SPARCL1: variants seen among roughly 807,000 people sequenced by gnomAD.
The protein encoded by SPARCL1 is SPARC-like protein 1.
A neutral mutation model predicts 67.1 loss-of-function variants in SPARCL1; 52 were observed. The observed-to-expected ratio is 0.78, with a 90% CI of 0.62 to 0.98. The LOEUF (loss-of-function observed/expected upper bound fraction) is 0.98, where lower values mean the gene tolerates loss of function less well. SPARCL1 is among the 50% of genes least tolerant of loss of function. The pLI is 0.00. For missense variants in SPARCL1, 717 were observed against 782.4 expected (o/e 0.92, Z 1.00); for synonymous variants, 226 against 267.8 (o/e 0.84, Z 1.52).
chr4:87,505,967 T>C (rs968345333), intron 1 of SPARCL1, among the ~76,000 whole-genome samples: 2 of 152,196 alleles, frequency 1.3e-5, no homozygotes, highest in Non-Finnish European at 2.9e-5. Context: ...ACTGTTAACA[T>C]TTTGGCTTGA....
intron 4 of SPARCL1, among the ~76,000 whole-genome samples, chr4:87,493,274 A>G (rs994852019): frequency 1.3e-5 from 2 of 152,228 alleles, no homozygotes; most frequent in East Asian, 1.9e-4. Flanking sequence ...ATGTCTTTAC[A>G]TGGCTTGAAT....
At chr4:87,480,789 CCT>C (rs899617375) in intron 8 of SPARCL1, among the ~76,000 whole-genome samples, 3 of 148,596 alleles carry the variant, frequency 2.0e-5, no homozygotes, top group African/African-American at 7.5e-5. Context: ...GTATGTTTTG[CCT>C]CTTTCTTTTA....
rs1357502438 is a variant in SPARCL1 at position 87,479,451 on chromosome 4, G to A, written c.1945C>T (p.His649Tyr). ...TTACCTTCTTTAATTCCAAAGCAGT[G>A]GCCCCACTCCTTCAGGGTGATGTGC... is the stretch of plus-strand genomic sequence containing the variant. ...DKHITLKEWG[H>Y]CFGIKEEDID... Residue 649 changes from histidine (H) to tyrosine (Y), a missense_variant, in exon 10 of 11, where the codon CAC becomes TAC. By Grantham distance (83) the His-to-Tyr change is moderately conservative. Transcript: ENST00000282470. The A allele has an allele frequency of 6.2e-7, 1 of 1,613,470 alleles. No homozygotes were observed. The highest frequency in any genetic ancestry group is 1.3e-5 in the African/African-American group (1 of 74,864).
In SPARCL1 at chr4:87,493,919, T is replaced by C. The variant is rs1350975646; in HGVS notation, c.881A>G (p.Gln294Arg). 9 of 1,614,204 alleles carry C rather than the reference T, an allele frequency of 5.6e-6. No individual in the cohort carries two copies. The highest frequency in any genetic ancestry group is 8.5e-7 in the Non-Finnish European group (1 of 1,180,010). The change falls in exon 4 of 11, where the codon CAG (glutamine) becomes CGG (arginine). Residue 294 changes from glutamine (Q) to arginine (R), a missense_variant. Gln to Arg is a conservative substitution (Grantham distance 43, BLOSUM62 1). Coordinates refer to ENST00000282470, the MANE Select transcript of SPARCL1 (RefSeq NM_004684.6). ...VNKHIQETEW[Q>R]SQEGKTGLEA... ...TAGGCCAGTTTTACCCTCTTGACTC[T>C]GCCATTCAGTTTCTTGAATGTGCTT...
intron 1 of SPARCL1, among the ~76,000 whole-genome samples, chr4:87,501,037 C>T (rs1259612350): frequency 4.6e-5 from 7 of 152,118 alleles, no homozygotes; most frequent in Non-Finnish European, 8.8e-5. Context: ...TTTTTGTGCA[C>T]CCATCACTTA....
chr4:87,504,844 G>A (rs917279153), intron 1 of SPARCL1: 2 of 152,170 alleles, frequency 1.3e-5, no homozygotes, highest in Non-Finnish European at 2.9e-5. Flanking sequence ...ACTTCTTTGT[G>A]TTGAAGGAAA....
Position 87,494,177 on chromosome 4 carries a change from G to C in SPARCL1, c.623C>G (p.Pro208Arg). 6.2e-7 allele frequency: 1 copy of C among 1,613,818 alleles called. No homozygotes were observed. The highest frequency in any genetic ancestry group is 8.5e-7 in the Non-Finnish European group (1 of 1,180,008). Reference sequence around the variant, plus strand: ...ATCATTGTGGGTACCAACTTCACCTGGCTCTTTTTCTTCTTCCTCTTCTCC... The same window carrying C: ...ATCATTGTGGGTACCAACTTCACCTCGCTCTTTTTCTTCTTCCTCTTCTCC... ...SNGEEEEEKEPGEVGTHNDNQ... is the reference protein window; with the variant it reads ...SNGEEEEEKERGEVGTHNDNQ... Residue 208 changes from proline (P) to arginine (R), a missense_variant, in exon 4 of 11, where the codon CCA becomes CGA. By Grantham distance (103) the Pro-to-Arg change is moderately radical. Transcript: ENST00000282470.
chr4:87,495,230 A>C, intron 2 of SPARCL1, 103 bp from the exon 3 acceptor site: 1 of 902,118 alleles, frequency 1.1e-6, no homozygotes, highest in Non-Finnish European at 1.7e-6. Context: ...AATATACTTC[A>C]TTTATACCAA....
Position 87,486,888 on chromosome 4 carries a change from C to CTTTTTTTTTTTTTTTTTT in SPARCL1, c.1531+3367_1531+3384dup, listed in dbSNP as rs57597004. 6.4e-4 allele frequency among the ~76,000 whole-genome samples: 18 copies of CTTTTTTTTTTTTTTTTTT among 28,000 alleles called. 4 individuals are homozygous for CTTTTTTTTTTTTTTTTTT. The highest frequency in any genetic ancestry group is 8.5e-4 in the Non-Finnish European group (12 of 14,154). The allele number at this position is 28,000 out of a possible 152,430, so 18.4% of individuals were successfully genotyped here. A position where few individuals can be genotyped will look rare whatever the true frequency, so the allele number is the denominator to read the frequency against. ...TCTGAGGCTAGTATTGCAATTCCTG[C>CTTTTTTTTTTTTTTTTTT]TTTTTTTTTTTTTTTTTTTTTTTTT... On this transcript the variant is annotated intron_variant, in intron 7 of 10. Coordinates refer to ENST00000282470, the MANE Select transcript of SPARCL1 (RefSeq NM_004684.6).
chr4:87,508,696 C>T (rs1025212292), intron 1 of SPARCL1, among the ~76,000 whole-genome samples: 12 of 151,170 alleles, frequency 7.9e-5, no homozygotes, highest in African/African-American at 1.9e-4. Context: ...TTCTGAGGTC[C>T]GCTTATGAGG....
In SPARCL1 at chr4:87,490,762, G is replaced by A. The variant is rs779374096; in HGVS notation, c.1408C>T (p.Gln470Ter). 1 of 1,588,868 alleles carries A rather than the reference G, an allele frequency of 6.3e-7. No homozygotes were observed. Among genetic ancestry groups the A allele is most frequent in the Non-Finnish European group, 8.6e-7 (1 of 1,161,858 alleles). ...VTCPPTKPLD[Q>*]VCGTDNQTYA... Reference sequence around the variant, plus strand: ...AGACTATTTTGCAGAATACTTACTTGATCAAGGGGTTTTGTTGGAGGACAA... The same window carrying A: ...AGACTATTTTGCAGAATACTTACTTAATCAAGGGGTTTTGTTGGAGGACAA... The change falls in exon 6 of 11, where the codon CAA (glutamine) becomes TAA (stop). Residue 470 changes from glutamine (Q) to a stop codon, truncating the protein, a stop_gained and splice_region_variant. Transcript: ENST00000282470. LOFTEE classifies it high-confidence loss of function.
intron 7 of SPARCL1, among the ~76,000 whole-genome samples, chr4:87,488,517 G>A (rs960343588): frequency 4.6e-5 from 7 of 152,178 alleles, no homozygotes; most frequent in Non-Finnish European, 8.8e-5. Context: ...TCTCCTGTAT[G>A]AGATGTCTGT....
chr4:87,484,381 T>C (rs1352434897), intron 7 of SPARCL1, among the ~76,000 whole-genome samples: 2 of 152,194 alleles, frequency 1.3e-5, no homozygotes, highest in East Asian at 3.8e-4. Context: ...TTGTCAAATA[T>C]CAGATGGCTG....
intron 10 of SPARCL1, among the ~76,000 whole-genome samples, chr4:87,477,848 G>C (rs1242503584): frequency 6.6e-6 from 1 of 152,170 alleles, no homozygotes; most frequent in Non-Finnish European, 1.5e-5. Flanking sequence ...AAGTTGTGGG[G>C]TGATTCACTA....
chr4:87,512,690 G>C (rs79108675), intron 1 of SPARCL1, among the ~76,000 whole-genome samples: 8,335 of 152,180 alleles, frequency 0.055, 740 homozygotes, highest in African/African-American at 0.19. Context: ...ATCATGCAGT[G>C]GAGCCCAATC....
intron 1 of SPARCL1, among the ~76,000 whole-genome samples, chr4:87,517,323 G>T (rs1009273766): frequency 6.6e-6 from 1 of 152,078 alleles, no homozygotes; most frequent in Non-Finnish European, 1.5e-5. Context: ...AAAAAAGAAG[G>T]TTCCAAACAT....
intron 9 of SPARCL1, among the ~76,000 whole-genome samples, chr4:87,479,904 C>T (rs528879000): frequency 2.0e-5 from 3 of 152,278 alleles, no homozygotes; most frequent in African/African-American, 7.2e-5. Flanking sequence ...ACTTGACCCA[C>T]ATTGGGCCAA....
chr4:87,474,339 G>C (rs1051997821), intron 10 of SPARCL1, among the ~76,000 whole-genome samples: 1 of 152,010 alleles, frequency 6.6e-6, no homozygotes, highest in African/African-American at 2.4e-5. Context: ...TGGGCACTAG[G>C]TAATTTTCCT....
At chr4:87,491,539 A>G in intron 5 of SPARCL1, 79 bp downstream of exon 5, 1 of 1,088,050 alleles carries the variant, frequency 9.2e-7, no homozygotes. Flanking sequence ...TTCACAAAGG[A>G]TGGAGGGACA....
Sources: gnomAD v4.1 joint callset for allele counts (sites outside exome capture counted in the v4.1 genomes callset) on GRCh38, gnomAD v4.1.1 for gene constraint, MANE v1.5 for transcripts, NCBI Gene and HGNC (gene_info 2026-07-23, HGNC 2026-07-21) for gene names.